The following SLC36A1 variants were observed in gnomAD, a reference collection of about 807,000 sequenced individuals.
SLC36A1 encodes the protein solute carrier family 36 member 1.
SLC36A1 carries 30 observed loss-of-function variants against 47.5 expected under a neutral mutation model. The observed-to-expected ratio is 0.63, with a 90% CI of 0.47 to 0.86. The LOEUF (loss-of-function observed/expected upper bound fraction) is 0.86. Among genes scored for constraint, SLC36A1 ranks in the 40% least tolerant of loss-of-function variants. The pLI is 0.00. For missense variants in SLC36A1, 517 were observed against 606.0 expected (o/e 0.85, Z 1.54); for synonymous variants, 255 against 249.7 (o/e 1.02, Z -0.20).
the SLC36A1 span, chr5:151,387,101 A>G: frequency 6.6e-6 from 1 of 152,302 alleles, no homozygotes; most frequent in Admixed American, 6.5e-5. Flanking sequence ...GCCCAAGTCT[A>G]CCATGAGGGT....
the SLC36A1 span, among the ~76,000 whole-genome samples, chr5:151,371,781 C>T: frequency 1.3e-5 from 2 of 152,114 alleles, no homozygotes; most frequent in East Asian, 1.9e-4. Context: ...GAAACTAAAA[C>T]TTTCTACCTA....
chr5:151,412,541 A>T, the SLC36A1 span: 4 of 143,840 alleles, frequency 2.8e-5, 1 homozygote, highest in African/African-American at 1.0e-4. Context: ...CCTGGAGGAG[A>T]TGCTGGAGGA....
chr5:151,518,295 A>T, the SLC36A1 span, among the ~76,000 whole-genome samples: 7 of 151,716 alleles, frequency 4.6e-5, no homozygotes, highest in East Asian at 9.7e-4. Flanking sequence ...GCTGCAGTGA[A>T]CCATGATCTT....
intron 10 of SLC36A1, among the ~76,000 whole-genome samples, chr5:151,481,146 T>G (rs1353214460): frequency 6.6e-6 from 1 of 152,202 alleles, no homozygotes; most frequent in Non-Finnish European, 1.5e-5. Context: ...CCTCTTGGAT[T>G]TTGCTTCACT....
At chr5:151,479,056 C>T (rs1462737016) in intron 9 of SLC36A1, among the ~76,000 whole-genome samples, 1 of 152,162 alleles carries the variant, frequency 6.6e-6, no homozygotes, top group Non-Finnish European at 1.5e-5. Context: ...CTATCGAGTT[C>T]CCACTGGTTA....
chr5:151,435,532 CATT>C (rs1279931930), upstream of SLC36A1, among the ~76,000 whole-genome samples: 26 of 151,772 alleles, frequency 1.7e-4, no homozygotes, highest in Middle Eastern at 3.3e-3. Context: ...AAATATGTGA[CATT>C]ATTATTATAA....
chr5:151,490,941 GA>G lies in SLC36A1; in HGVS notation c.*2690del, dbSNP rs1760063152. On this transcript the variant is annotated 3_prime_UTR_variant, in exon 11 of 11. Coordinates refer to ENST00000243389, the MANE Select transcript of SLC36A1 (RefSeq NM_078483.4). Reference sequence around the variant, plus strand: ...CCCCAGTGTCTTCCCAGGATAAGTAGAAATATGATCACAGAGCAACGGAGCA... The same window carrying G: ...CCCCAGTGTCTTCCCAGGATAAGTAGAATATGATCACAGAGCAACGGAGCA... 1 of 152,304 alleles carries G rather than the reference GA, an allele frequency of 6.6e-6. No individual in the cohort carries two copies. The highest frequency in any genetic ancestry group is 1.5e-5 in the Non-Finnish European group (1 of 68,116). 9.4% of individuals were successfully genotyped at this position (152,304 alleles called of 1,614,324 possible). A position where few individuals can be genotyped will look rare whatever the true frequency, so the allele number is the denominator to read the frequency against.
the SLC36A1 span, chr5:151,510,118 C>G: frequency 1.2e-6 from 2 of 1,614,064 alleles, no homozygotes; most frequent in African/African-American, 2.7e-5. Flanking sequence ...GTACAGTTCT[C>G]CCTTCCTTGT....
the SLC36A1 span, among the ~76,000 whole-genome samples, chr5:151,393,402 A>G: frequency 6.6e-6 from 1 of 152,150 alleles, no homozygotes; most frequent in Non-Finnish European, 1.5e-5. Context: ...GCCCATTTAC[A>G]TTTAGGGTTA....
chr5:151,385,848 A>G, the SLC36A1 span, among the ~76,000 whole-genome samples: 2 of 150,136 alleles, frequency 1.3e-5, no homozygotes, highest in East Asian at 3.9e-4. Context: ...GAAACCTTTT[A>G]AGAACAGAGG....
In SLC36A1 at chr5:151,458,828, C is replaced by T. The variant is rs142413607; in HGVS notation, c.36C>T (p.His12=). 4.0e-5 allele frequency: 65 copies of T among 1,614,088 alleles called. No individual in the cohort carries two copies. In the African/African-American group the frequency reaches 6.7e-4, roughly 17 times the overall value. ...STQRLRNEDY[H]DYSSTDVSPE... is the part of the protein sequence containing the mutation. ...AGAGACTTCGGAATGAAGACTACCA[C>T]GACTACAGCTCCACGGACGTGAGCC... Residue 12 remains histidine, a synonymous_variant, in exon 2 of 11, where the codon CAC becomes CAT. Transcript: ENST00000243389.
the SLC36A1 span, among the ~76,000 whole-genome samples, chr5:151,403,924 T>C: frequency 6.6e-6 from 1 of 152,186 alleles, no homozygotes; most frequent in East Asian, 1.9e-4. Flanking sequence ...ATTCTGTAGA[T>C]GTCTATAAGG....
At chr5:151,494,634 T>C (rs1414616549), downstream of SLC36A1, among the ~76,000 whole-genome samples, 3 of 152,260 alleles carry the variant, frequency 2.0e-5, no homozygotes, top group African/African-American at 7.2e-5. Flanking sequence ...GTATCTGTAA[T>C]TGGTTCTTTT....
At chr5:151,429,847 C>G in the SLC36A1 span, among the ~76,000 whole-genome samples, 76 of 152,246 alleles carry the variant, frequency 5.0e-4, 1 homozygote, top group South Asian at 0.013. Flanking sequence ...AGCAGGCTGG[C>G]CTCTTAGACC....
chr5:151,378,592 G>A, the SLC36A1 span: 551 of 197,470 alleles, frequency 2.8e-3, 3 homozygotes, highest in African/African-American at 0.012. Flanking sequence ...AAGAGGTCAT[G>A]GTGACCATCT....
At chr5:151,477,910 GCTGCTGTAACTCTTCTGC>G (rs1372596726) in intron 9 of SLC36A1, among the ~76,000 whole-genome samples, 1 of 152,154 alleles carries the variant, frequency 6.6e-6, no homozygotes, top group Non-Finnish European at 1.5e-5. Flanking sequence ...CCCAAACCCA[GCTGCTGTAACTCTTCTGC>G]CTCCATTTGG....
chr5:151,496,027 C>T (rs952334726), downstream of SLC36A1, among the ~76,000 whole-genome samples: 11 of 152,104 alleles, frequency 7.2e-5, no homozygotes, highest in Non-Finnish European at 1.5e-5. Context: ...GATATATGCC[C>T]AGGAGCACAA....
At chr5:151,510,840 C>T in the SLC36A1 span, 109,233 of 152,016 alleles carry the variant, frequency 0.72, 39,665 homozygotes, top group East Asian at 0.96. Flanking sequence ...GAGAAGAGTG[C>T]GTGCAAAGGC....
the SLC36A1 span, among the ~76,000 whole-genome samples, chr5:151,409,794 CA>C: frequency 6.6e-6 from 1 of 152,168 alleles, no homozygotes; most frequent in Non-Finnish European, 1.5e-5. Context: ...GCTGATCATC[CA>C]AATCAGCTGG....
Sources: allele counts gnomAD v4.1 joint callset (sites outside exome capture counted in the v4.1 genomes callset), GRCh38; gene constraint gnomAD v4.1.1; transcripts MANE v1.5; gene names NCBI Gene and HGNC (gene_info 2026-07-23, HGNC 2026-07-21).